TBCEL: variants seen among roughly 807,000 people sequenced by gnomAD.
TBCEL encodes the protein tubulin-specific chaperone cofactor E-like protein.
TBCEL carries 15 observed loss-of-function variants against 44.2 expected under a neutral mutation model. The ratio of observed to expected loss-of-function variants is 0.34; its 90% confidence interval spans 0.23 to 0.52. The LOEUF (loss-of-function observed/expected upper bound fraction) is 0.52. TBCEL is among the 20% of genes least tolerant of loss of function. TBCEL has a pLI of 0.95. For synonymous variants in TBCEL, 171 were observed against 185.4 expected (o/e 0.92, Z 0.63); for missense variants, 319 against 506.3 (o/e 0.63, Z 3.55).
chr11:121,059,321 T>C (rs571328194), intron 7 of TBCEL, among the ~76,000 whole-genome samples: 5 of 151,988 alleles, frequency 3.3e-5, no homozygotes, highest in African/African-American at 4.8e-5. Context: ...CTTTATTTTC[T>C]TTACACAATT....
chr11:121,048,310 C>G (rs1432187664), intron 4 of TBCEL, among the ~76,000 whole-genome samples: 1 of 151,682 alleles, frequency 6.6e-6, no homozygotes, highest in Admixed American at 6.6e-5. Flanking sequence ...TATCAAATCC[C>G]TTGGGTGGTT....
At chr11:121,035,096 C>T (rs149934992) in intron 1 of TBCEL, 29 of 152,280 alleles carry the variant, frequency 1.9e-4, no homozygotes, top group African/African-American at 6.3e-4. Context: ...ATTCCGTTCA[C>T]GCTGCCATGT....
intron 1 of TBCEL, among the ~76,000 whole-genome samples, chr11:121,027,483 C>T (rs1251655889): frequency 6.6e-6 from 1 of 152,124 alleles, no homozygotes; most frequent in East Asian, 1.9e-4. Context: ...GAATAAAGCC[C>T]ATGGTGTTTA....
Position 121,086,816 on chromosome 11 carries a change from C to T in TBCEL, c.995C>T (p.Pro332Leu). ...ELITKYGKLE[P>L]LAEVDLRPQS... Reference sequence around the variant, plus strand: ...ATCACTAAATATGGGAAGTTGGAGCCTTTGGCAGAAGTGGACCTAAGACCC... The same window carrying T: ...ATCACTAAATATGGGAAGTTGGAGCTTTTGGCAGAAGTGGACCTAAGACCC... Residue 332 changes from proline to leucine, a missense_variant, in exon 9 of 9, where the codon CCT (proline) becomes CTT (leucine). Pro to Leu is a moderately conservative substitution (Grantham distance 98). Transcript: ENST00000683345. The T allele has an allele frequency of 6.2e-7, 1 of 1,613,940 alleles. No homozygotes were observed. The highest frequency in any genetic ancestry group is 8.5e-7 in the Non-Finnish European group (1 of 1,179,932).
intron 8 of TBCEL, among the ~76,000 whole-genome samples, chr11:121,079,360 T>C (rs1946084643): frequency 6.6e-6 from 1 of 152,208 alleles, no homozygotes; most frequent in Non-Finnish European, 1.5e-5. Flanking sequence ...TGGGGACATT[T>C]GAAATGTAGG....
intron 2 of TBCEL, among the ~76,000 whole-genome samples, chr11:121,040,648 A>G (rs552328232): frequency 6.6e-6 from 1 of 152,172 alleles, no homozygotes; most frequent in African/African-American, 2.4e-5. Flanking sequence ...TTCAAAATTA[A>G]TATTTTATAT....
rs1005885564 is a variant in TBCEL, at chr11:121,089,173, T to C, written c.*2077T>C. 2 of 152,188 alleles carry C rather than the reference T, an allele frequency of 1.3e-5. No individual in the cohort carries two copies. Among genetic ancestry groups the C allele is most frequent in the African/African-American group, 2.4e-5 (1 of 41,458 alleles). The allele number at this position is 152,188 out of a possible 1,614,324, so 9.4% of individuals were successfully genotyped here. A position where few individuals can be genotyped will look rare whatever the true frequency, so the allele number is the denominator to read the frequency against. ...CTTATTTTTTGAAGTTGTGTGACCC[T>C]GGACTGTCCCACAGCAGAAGGCAGA... On this transcript the variant is annotated 3_prime_UTR_variant, in exon 9 of 9. Coordinates refer to ENST00000683345, the MANE Select transcript of TBCEL (RefSeq NM_001363644.2).
In TBCEL at chr11:121,040,375, C is replaced by T. The variant is rs187848144; in HGVS notation, c.-18+3763C>T. 3.9e-5 allele frequency among the ~76,000 whole-genome samples: 6 copies of T among 152,288 alleles called. No homozygotes were observed. In the East Asian group the frequency reaches 1.2e-3, roughly 29 times the overall value. ...AACTGTGCAAGCTGAGGGTATTCTT[C>T]CAGCCCTTTGGTACACCCCATAGTG... On this transcript the variant is annotated intron_variant, in intron 2 of 8. Transcript: ENST00000683345.
rs1408208142 is a variant in TBCEL at position 121,059,972 on chromosome 11, G to A, written c.843G>A (p.Leu281=). Residue 281 remains leucine, a synonymous_variant, in exon 8 of 9, where the codon TTG becomes TTA. Coordinates refer to ENST00000683345, the MANE Select transcript of TBCEL (RefSeq NM_001363644.2). ...EERRKLVIAR[L]PSVSKLNGSV... ...TTATTTTGGTTTTAACTTATAGATT[G>A]CCATCAGTTTCCAAACTTAATGGCA... 1.2e-6 allele frequency: 2 copies of A among 1,605,984 alleles called. No individual in the cohort carries two copies. Among genetic ancestry groups the A allele is most frequent in the South Asian group, 2.2e-5 (2 of 90,374 alleles).
chr11:121,073,554 A>G (rs1339899150), intron 8 of TBCEL, among the ~76,000 whole-genome samples: 1 of 151,942 alleles, frequency 6.6e-6, no homozygotes. Flanking sequence ...CTATTTAGAC[A>G]GTCATATCTA....
At chr11:121,073,420 C>A (rs1341167888) in intron 8 of TBCEL, among the ~76,000 whole-genome samples, 4 of 151,876 alleles carry the variant, frequency 2.6e-5, no homozygotes, top group African/African-American at 4.8e-5. Flanking sequence ...GAAGTGAAAT[C>A]ATTTTTTCTG....
At chr11:121,026,187 A>G (rs1051783694) in intron 1 of TBCEL, among the ~76,000 whole-genome samples, 2 of 152,244 alleles carry the variant, frequency 1.3e-5, no homozygotes, top group Non-Finnish European at 2.9e-5. Context: ...CTTACAGTCT[A>G]CGGCTTTGGT....
At chr11:121,053,758 G>T (rs770966347) in intron 5 of TBCEL, 26 bp downstream of exon 5, 1 of 1,608,032 alleles carries the variant, frequency 6.2e-7, no homozygotes, top group African/African-American at 1.3e-5. Context: ...ATGAGGGCGA[G>T]GGAGTTATGT....
intron 8 of TBCEL, among the ~76,000 whole-genome samples, chr11:121,069,463 G>T (rs753117308): frequency 4.6e-5 from 7 of 152,132 alleles, no homozygotes; most frequent in Non-Finnish European, 1.0e-4. Flanking sequence ...TTTATGTGCA[G>T]TGAACTACAA....
intron 1 of TBCEL, among the ~76,000 whole-genome samples, chr11:121,032,642 A>G (rs1945165005): frequency 6.6e-6 from 1 of 152,320 alleles, no homozygotes; most frequent in East Asian, 1.9e-4. Flanking sequence ...TAGAAACACT[A>G]GATGGCATTT....
chr11:121,090,231 G>C lies in TBCEL; in HGVS notation c.*3135G>C, dbSNP rs1034494914. On this transcript the variant is annotated 3_prime_UTR_variant, in exon 9 of 9. Transcript: ENST00000683345. ...TTATTTTTAAAGACAGGAAAATTCA[G>C]TTCTAACCAGATGTTCCAGCTATGT... 3 of 152,164 alleles carry C rather than the reference G, an allele frequency of 2.0e-5. No individual in the cohort carries two copies. The highest frequency in any genetic ancestry group is 7.2e-5 in the African/African-American group (3 of 41,436). 9.4% of individuals were successfully genotyped at this position (152,164 alleles called of 1,614,324 possible).
intron 4 of TBCEL, among the ~76,000 whole-genome samples, chr11:121,050,131 A>G (rs1945503885): frequency 1.3e-5 from 2 of 151,770 alleles, no homozygotes; most frequent in Admixed American, 1.3e-4. Context: ...AACATAGAAA[A>G]GGGAGAAATA....
intron 5 of TBCEL, among the ~76,000 whole-genome samples, chr11:121,054,530 T>TG (rs1308632305): frequency 6.6e-6 from 1 of 151,882 alleles, no homozygotes; most frequent in Non-Finnish European, 1.5e-5. Flanking sequence ...TGGGCATAAT[T>TG]GCATTTACCT....
intron 1 of TBCEL, among the ~76,000 whole-genome samples, chr11:121,029,022 A>G (rs1295374811): frequency 1.3e-5 from 2 of 152,072 alleles, no homozygotes; most frequent in East Asian, 1.9e-4. Flanking sequence ...CATATACTCT[A>G]TACTCTACAC....
Sources: allele counts gnomAD v4.1 joint callset (sites outside exome capture counted in the v4.1 genomes callset), GRCh38; gene constraint gnomAD v4.1.1; transcripts MANE v1.5; gene names NCBI Gene and HGNC (gene_info 2026-07-23, HGNC 2026-07-21).